BRINP3: variants seen among roughly 807,000 people sequenced by gnomAD.
BRINP3 encodes BMP/retinoic acid-inducible neural-specific protein 3.
BRINP3 carries 19 observed loss-of-function variants against 71.0 expected under a neutral mutation model. The ratio of observed to expected loss-of-function variants is 0.27; its 90% CI spans 0.19 to 0.39. The LOEUF (loss-of-function observed/expected upper bound fraction) is 0.39. Among genes scored for constraint, BRINP3 ranks in the 10% least tolerant of loss-of-function variants. The pLI is 1.00. For synonymous variants in BRINP3, 380 were observed against 337.7 expected (o/e 1.13, Z -1.37); for missense variants, 959 against 940.8 (o/e 1.02, Z -0.25).
At chr1:190,436,434 A>G (rs1674459126) in intron 2 of BRINP3, among the ~76,000 whole-genome samples, 2 of 151,886 alleles carry the variant, frequency 1.3e-5, no homozygotes, top group Admixed American at 6.6e-5. Context: ...CAATCATCCC[A>G]TGACCTTCTT....
rs181057906 is a variant in BRINP3, at chr1:190,290,810, C to A, written c.237-9060G>T. On this transcript the variant is annotated intron_variant, in intron 2 of 7. Transcript: ENST00000367462. ...TGAATCTAGGGGGTGAGACCTCAAA[C>A]TTAATGACATTAACTCATTTACAGA... is the stretch of plus-strand genomic sequence containing the variant. Among the ~76,000 whole-genome samples, 454 of 152,000 alleles carry A rather than the reference C, an allele frequency of 3.0e-3. 6 individuals carry two copies. The highest frequency in any genetic ancestry group is 0.01 in the African/African-American group (426 of 41,496).
chr1:190,471,572 ATGCCGGATGTCATCCTAATTAATTCTAGT>A (rs1351387502), intron 1 of BRINP3, among the ~76,000 whole-genome samples: 1 of 151,364 alleles, frequency 6.6e-6, no homozygotes, highest in Non-Finnish European at 1.5e-5. Context: ...AACACCAAAA[ATGCCGGATGTCATCCTAATTAATTCTAGT>A]AAACTTTATA....
rs551111322 is a variant in BRINP3, at chr1:190,262,882, C to CAT, written c.618+1981_618+1982dup. Among the ~76,000 whole-genome samples the CAT allele has an allele frequency of 6.4e-4, 97 of 151,906 alleles. No homozygotes were observed. The South Asian group carries it at 6.4e-3, about 10-fold the overall frequency. ...TATATAACAGTATGCCTCATTAAAA[C>CAT]ATATATATATACATATGTGTGTGTG... On this transcript the variant is annotated intron_variant, in intron 4 of 7. Transcript: ENST00000367462.
chr1:190,326,914 C>T (rs916242128), intron 2 of BRINP3, among the ~76,000 whole-genome samples: 1 of 151,656 alleles, frequency 6.6e-6, no homozygotes, highest in Non-Finnish European at 1.5e-5. Context: ...AAACAACCAG[C>T]TAAGAACTTC....
At chr1:190,138,140 GAC>G (rs1440009968) in intron 7 of BRINP3, among the ~76,000 whole-genome samples, 2 of 152,102 alleles carry the variant, frequency 1.3e-5, no homozygotes, top group African/African-American at 4.8e-5. Context: ...TTTTAGTAAA[GAC>G]GGGGTTTCTC....
At position 190,174,172 on chromosome 1, in the gene BRINP3, A is replaced by T. The variant is rs1363926033; in HGVS notation, c.962-13282T>A. On this transcript the variant is annotated intron_variant, in intron 6 of 7. Coordinates refer to ENST00000367462, the MANE Select transcript of BRINP3 (RefSeq NM_199051.3). ...TGTTACTTCAGTTAAAATCCTCATCAGTCCTATGAAGTAAATAAGAGTAGC... is the reference window on the plus strand; with the variant it reads ...TGTTACTTCAGTTAAAATCCTCATCTGTCCTATGAAGTAAATAAGAGTAGC... Among the ~76,000 whole-genome samples, 3 of 152,154 alleles carry T rather than the reference A, an allele frequency of 2.0e-5. No homozygotes were observed. In the South Asian group the frequency reaches 6.2e-4, roughly 31 times the overall value.
Position 190,132,149 on chromosome 1 carries a change from A to G in BRINP3, c.1184+28519T>C, listed in dbSNP as rs116134070. Among the ~76,000 whole-genome samples the G allele has an allele frequency of 3.7e-3, 563 of 152,144 alleles. 3 individuals are homozygous for G. The highest frequency in any genetic ancestry group is 0.013 in the African/African-American group (536 of 41,530). ...GACCTTTAATTATAGATTCCTGAAC[A>G]TATCTGCAATGTTCATGATTCTGTA... On this transcript the variant is annotated intron_variant, in intron 7 of 7. Coordinates refer to ENST00000367462, the MANE Select transcript of BRINP3 (RefSeq NM_199051.3).
intron 2 of BRINP3, among the ~76,000 whole-genome samples, chr1:190,445,137 T>C (rs1571330071): frequency 6.6e-6 from 1 of 152,124 alleles, no homozygotes; most frequent in Admixed American, 6.5e-5. Context: ...AAATTTACTT[T>C]GGGGAAATTA....
intron 4 of BRINP3, among the ~76,000 whole-genome samples, chr1:190,241,787 CCACACATATAAGATCTTTTAAAATTA>C (rs1012095580): frequency 2.6e-5 from 4 of 151,654 alleles, no homozygotes; most frequent in African/African-American, 9.7e-5. Flanking sequence ...TTTTCTGTTA[CCACACATATAAGATCTTTTAAAATTA>C]CATATTGCTA....
At chr1:190,271,643 G>C (rs1174315978) in intron 3 of BRINP3, among the ~76,000 whole-genome samples, 4 of 151,440 alleles carry the variant, frequency 2.6e-5, no homozygotes, top group Non-Finnish European at 1.5e-5. Context: ...ATGATATACA[G>C]AGAGTAAAGA....
At chr1:190,405,450 CAAAAAAAAAAAAAA>C (rs1334402738) in intron 2 of BRINP3, among the ~76,000 whole-genome samples, 1 of 39,134 alleles carries the variant, frequency 2.6e-5, no homozygotes, top group African/African-American at 1.4e-4. Flanking sequence ...GACTCCGTCT[CAAAAAAAAAAAAAA>C]AAAAAAAAAA....
intron 4 of BRINP3, among the ~76,000 whole-genome samples, chr1:190,237,117 AAT>A (rs1658600036): frequency 6.6e-6 from 1 of 151,908 alleles, no homozygotes. Context: ...AGAATATTTG[AAT>A]ATCTCTGTCC....
intron 3 of BRINP3, among the ~76,000 whole-genome samples, chr1:190,277,455 A>G (rs1662682657): frequency 6.6e-6 from 1 of 151,552 alleles, no homozygotes; most frequent in Non-Finnish European, 1.5e-5. Flanking sequence ...GGATAAGGGC[A>G]CATTTAAAAT....
At chr1:190,166,316 T>C (rs1277333179) in intron 6 of BRINP3, among the ~76,000 whole-genome samples, 1 of 152,194 alleles carries the variant, frequency 6.6e-6, no homozygotes, top group Non-Finnish European at 1.5e-5. Flanking sequence ...ATGCTGTTTC[T>C]CACTATTTTA....
chr1:190,098,078 C>T lies in BRINP3; in HGVS notation c.2241G>A (p.Gln747=). The change falls in exon 8 of 8, where the codon CAG becomes CAA. Residue 747 remains glutamine (Q), a synonymous_variant. Coordinates refer to ENST00000367462, the MANE Select transcript of BRINP3 (RefSeq NM_199051.3). ...TGTTTGGCAATTTGGCATTAAACGC[C>T]TGCAGAGCAGATTGGATCCTCACCA... ...SEVVRIQSAL[Q]AFNAKLPNTM... is the part of the protein sequence containing the mutation. The T allele has an allele frequency of 6.2e-7, 1 of 1,614,146 alleles. No individual in the cohort carries two copies. The highest frequency in any genetic ancestry group is 8.5e-7 in the Non-Finnish European group (1 of 1,180,020).
intron 6 of BRINP3, among the ~76,000 whole-genome samples, chr1:190,164,156 TAA>T (rs962820883): frequency 6.6e-6 from 1 of 152,078 alleles, no homozygotes; most frequent in African/African-American, 2.4e-5. Context: ...CTAATAAACG[TAA>T]AAAAACTTTG....
At chr1:190,235,061 A>G (rs1337109257) in intron 4 of BRINP3, among the ~76,000 whole-genome samples, 1 of 151,820 alleles carries the variant, frequency 6.6e-6, no homozygotes. Flanking sequence ...CTCCACTCCC[A>G]CCTCACTTGG....
intron 4 of BRINP3, among the ~76,000 whole-genome samples, chr1:190,247,718 C>T (rs566678137): frequency 8.8e-4 from 134 of 151,766 alleles, no homozygotes; most frequent in Admixed American, 2.0e-3. Context: ...TTTTTCTTTT[C>T]GTCCCACATG....
chr1:190,234,041 T>C (rs1451527348), intron 5 of BRINP3, among the ~76,000 whole-genome samples: 1 of 152,158 alleles, frequency 6.6e-6, no homozygotes, highest in Non-Finnish European at 1.5e-5. Flanking sequence ...CAAGAATCTT[T>C]AAGTAAAAAG....
Sources: allele counts gnomAD v4.1 joint callset (sites outside exome capture counted in the v4.1 genomes callset), GRCh38; gene constraint gnomAD v4.1.1; transcripts MANE v1.5; gene names NCBI Gene and HGNC (gene_info 2026-07-23, HGNC 2026-07-21).